The following FLG variants were observed in gnomAD, a reference collection of about 807,000 sequenced individuals.
FLG encodes filaggrin.
FLG carries 6 observed loss-of-function variants against 3.8 expected under a neutral mutation model. The observed-to-expected ratio is 1.60, with a 90% confidence interval of 0.87 to 3.15. The LOEUF (loss-of-function observed/expected upper bound fraction) is 3.15, where lower values mean the gene tolerates loss of function less well. Ranked by LOEUF, FLG falls within the 30% of genes most tolerant of loss-of-function variation. The probability of loss-of-function intolerance (pLI) is 0.00; values close to 1 mark genes in which losing one functional copy is unlikely to be tolerated. For missense variants in FLG, 7,595 were observed against 5,050.9 expected (o/e 1.50, Z -15.27); for synonymous variants, 2,551 against 1,931.6 (o/e 1.32, Z -8.41).
chr1:152,314,217 C>T lies in FLG; in HGVS notation c.669G>A (p.Met223Ile). 1 of 1,613,762 alleles carries T rather than the reference C, an allele frequency of 6.2e-7. No individual in the cohort carries two copies. Among genetic ancestry groups the T allele is most frequent in the African/African-American group, 1.3e-5 (1 of 74,954 alleles). ...GGCCTGATTGTATCCATTTTTGAGT[C>T]ATTCTTCCTGTATTTTCATAATCAT... ...GVYDYENTGRMTQKWIQSGHI... is the reference protein window; with the variant it reads ...GVYDYENTGRITQKWIQSGHI... Residue 223 changes from methionine to isoleucine, a missense_variant, in exon 3 of 3, where the codon ATG becomes ATA. By Grantham distance (10) the Met-to-Ile change is conservative. Transcript: ENST00000368799.
Position 152,311,120 on chromosome 1 carries a change from G to A in FLG, c.3766C>T (p.Gln1256Ter), listed in dbSNP as rs751147313. The A allele has an allele frequency of 6.2e-7, 1 of 1,613,776 alleles. No individual in the cohort carries two copies. Among genetic ancestry groups the A allele is most frequent in the Non-Finnish European group, 8.5e-7 (1 of 1,179,968 alleles). The change falls in exon 3 of 3, where the codon CAA becomes TAA. Residue 1256 changes from glutamine (Q) to a stop codon, truncating the protein, a stop_gained. Coordinates refer to ENST00000368799, the MANE Select transcript of FLG (RefSeq NM_002016.2). LOFTEE classifies it low-confidence loss of function (END_TRUNC). ...CTGCTTGTCCTGGACCCCGATGATT[G>A]TTCCTGTCCCACCTGTGAGTGTCTA... ...SSRHSQVGQE[Q>*]SSGSRTSRHQ...
At position 152,303,791 on chromosome 1, in the gene FLG, G is replaced by A. The variant is rs748562991; in HGVS notation, c.11095C>T (p.Arg3699Trp). ...GAACGTCCAGACCTTCCTGCTGACC[G>A]GCCACGTGTGGACTCTTGGTGGCTC... ...QQSHQESTRGRSAGRSGRSGS... is the reference protein window; with the variant it reads ...QQSHQESTRGWSAGRSGRSGS... The change falls in exon 3 of 3, where the codon CGG (arginine) becomes TGG (tryptophan). Residue 3699 changes from arginine to tryptophan, a missense_variant. Transcript: ENST00000368799. The A allele has an allele frequency of 1.6e-5, 26 of 1,613,496 alleles. No individual in the cohort carries two copies. Among genetic ancestry groups the A allele is most frequent in the Admixed American group, 6.7e-5 (4 of 59,868 alleles).
At chr1:152,319,504 G>GA (rs140492475) in intron 1 of FLG, among the ~76,000 whole-genome samples, 1,730 of 151,342 alleles carry the variant, frequency 0.011, 27 homozygotes, top group African/African-American at 0.039. Flanking sequence ...CTCCAAGCAG[G>GA]AGATATAAAA....
chr1:152,311,926 G>C lies in FLG; in HGVS notation c.2960C>G (p.Ser987Cys), dbSNP rs781148459. The change falls in exon 3 of 3, where the codon TCC becomes TGC. Residue 987 changes from serine to cysteine, a missense_variant. Coordinates refer to ENST00000368799, the MANE Select transcript of FLG (RefSeq NM_002016.2). Reference protein sequence around the residue: ...QSRHGSRHPRSHHEDRAGHGH... With the variant: ...QSRHGSRHPRCHHEDRAGHGH... ...GTGACCGGCTCTGTCTTCGTGATGG[G>C]ACCTGGGGTGTCTGGAGCCATGTCT... 1.2e-6 allele frequency: 2 copies of C among 1,613,988 alleles called. No individual in the cohort carries two copies. The highest frequency in any genetic ancestry group is 2.7e-5 in the African/African-American group (2 of 74,914).
chr1:152,315,314 C>T lies in FLG; in HGVS notation c.138+5G>A. 2 of 1,613,098 alleles carry T rather than the reference C, an allele frequency of 1.2e-6. No individual in the cohort carries two copies. The highest frequency in any genetic ancestry group is 1.7e-6 in the Non-Finnish European group (2 of 1,179,368). ...TCTATCTTTGGTCTTGTCAGAGACT[C>T]TTACCTTCAGGATTTGCCGAAATTC... On this transcript the variant is annotated splice_donor_5th_base_variant and intron_variant, in intron 2 of 2. Transcript: ENST00000368799.
chr1:152,313,072 T>G lies in FLG; in HGVS notation c.1814A>C (p.Gln605Pro), dbSNP rs1652577021. ...TGTCCTGGGCCCCGATGATTGTCCC[T>G]GGCCCACCTGTGAGTGTCTAGAGCT... ...ADSSRHSQVG[Q>P]GQSSGPRTSR... is the part of the protein sequence containing the mutation. The change falls in exon 3 of 3, where the codon CAG becomes CCG. Residue 605 changes from glutamine (Q) to proline (P), a missense_variant. By Grantham distance (76) the Gln-to-Pro change is moderately conservative. Transcript: ENST00000368799. The G allele has an allele frequency of 2.5e-6, 4 of 1,614,022 alleles. No individual in the cohort carries two copies. The East Asian group carries it at 8.9e-5, about 36-fold the overall frequency.
At position 152,305,346 on chromosome 1, in the gene FLG, T is replaced by G. The variant is rs3126069; in HGVS notation, c.9540A>C (p.Ser3180=). 3.8e-6 allele frequency: 6 copies of G among 1,563,998 alleles called. No individual in the cohort carries two copies. The highest frequency in any genetic ancestry group is 4.4e-6 in the Non-Finnish European group (5 of 1,149,330). The change falls in exon 3 of 3, where the codon TCA becomes TCC. Residue 3180 remains serine, a synonymous_variant. Transcript: ENST00000368799. ...QSGDSSRHSV[S]RHHEASTHAD... is the part of the protein sequence containing the mutation. Reference sequence around the variant, plus strand: ...CATGAGTGGAAGCTTCATGGTGACGTGACACTGAGTGCCTGGAGCTGTCTC... The same window carrying G: ...CATGAGTGGAAGCTTCATGGTGACGGGACACTGAGTGCCTGGAGCTGTCTC...
rs772522029 is a variant in FLG at position 152,313,888 on chromosome 1, G to T, written c.998C>A (p.Ser333Tyr). ...TTCATCATGGGACCTGGGGTGTCTG[G>T]AGCCATCTCTTGACTGCTCCCACGC... ...GSAWEQSRDG[S>Y]RHPRSHDEDR... Residue 333 changes from serine to tyrosine, a missense_variant, in exon 3 of 3, where the codon TCC becomes TAC. Transcript: ENST00000368799. 3.1e-6 allele frequency: 5 copies of T among 1,613,858 alleles called. No homozygotes were observed. The Admixed American group carries it at 6.7e-5, about 22-fold the overall frequency.
rs748247501 is a variant in FLG, at chr1:152,312,903, C to T, written c.1983G>A (p.Arg661=). 3 of 1,613,846 alleles carry T rather than the reference C, an allele frequency of 1.9e-6. No homozygotes were observed. The highest frequency in any genetic ancestry group is 2.7e-5 in the African/African-American group (2 of 74,784). The part of the protein sequence containing the change: ...EQSRDGSRHP[R]SHHEDRAGHG... ...GACCAGCTCTGTCTTCGTGATGGGA[C>T]CTGGGGTGTCTGGAGCCATCTCTTG... The change falls in exon 3 of 3, where the codon AGG becomes AGA. Residue 661 remains arginine (R), a synonymous_variant. Transcript: ENST00000368799.
chr1:152,309,990 G>A lies in FLG; in HGVS notation c.4896C>T (p.Asn1632=). 1.2e-6 allele frequency: 2 copies of A among 1,613,962 alleles called. No homozygotes were observed. The highest frequency in any genetic ancestry group is 1.7e-6 in the Non-Finnish European group (2 of 1,180,002). The stretch of plus-strand genomic sequence containing the variant: ...CTCTATCTTCTTGATGGGACCTGGG[G>A]TTCCTGGAGCCATGTCTTGACTGCT... ...AREQSRHGSR[N]PRSHQEDRAS... is the part of the protein sequence containing the mutation. Residue 1632 remains asparagine (N), a synonymous_variant, in exon 3 of 3, where the codon AAC becomes AAT. Coordinates refer to ENST00000368799, the MANE Select transcript of FLG (RefSeq NM_002016.2).
rs555272052 is a variant in FLG, at chr1:152,307,567, C to G, written c.7319G>C (p.Gly2440Ala). The change falls in exon 3 of 3, where the codon GGA becomes GCA. Residue 2440 changes from glycine to alanine, a missense_variant. Transcript: ENST00000368799. ...RTGTSTGGRQ[G>A]SHHKQARDSS... is the part of the protein sequence containing the mutation. ...GTCTCGTGCCTGCTTGTGGTGGGATCCTTGTCTTCCTCCAGTGCTGGTCCC... is the reference window on the plus strand; with the variant it reads ...GTCTCGTGCCTGCTTGTGGTGGGATGCTTGTCTTCCTCCAGTGCTGGTCCC... 3.4e-5 allele frequency: 55 copies of G among 1,613,778 alleles called. No individual in the cohort carries two copies. In the South Asian group the frequency reaches 4.7e-4, roughly 14 times the overall value.
chr1:152,321,635 T>C (rs1476627899), intron 1 of FLG, among the ~76,000 whole-genome samples: 1 of 151,180 alleles, frequency 6.6e-6, no homozygotes, highest in Admixed American at 6.6e-5. Context: ...AAAACCTAAA[T>C]AGTACTATGT....
rs749754687 is a variant in FLG at position 152,312,131 on chromosome 1, G to A, written c.2755C>T (p.His919Tyr). Residue 919 changes from histidine (H) to tyrosine (Y), a missense_variant, in exon 3 of 3, where the codon CAT becomes TAT. Coordinates refer to ENST00000368799, the MANE Select transcript of FLG (RefSeq NM_002016.2). Reference protein sequence around the residue: ...SGSRHHEASSHADISRHSQAG... With the variant: ...SGSRHHEASSYADISRHSQAG... The stretch of plus-strand genomic sequence containing the variant: ...TGTGAGTGTCTAGAGATGTCGGCAT[G>A]AGAGGAAGCTTCATGGTGACGTGAC... 13 of 1,569,048 alleles carry A rather than the reference G, an allele frequency of 8.3e-6. No homozygotes were observed. Among genetic ancestry groups the A allele is most frequent in the East Asian group, 2.4e-5 (1 of 41,278 alleles).
chr1:152,308,985 G>T lies in FLG; in HGVS notation c.5901C>A (p.His1967Gln), dbSNP rs3126078. The change falls in exon 3 of 3, where the codon CAC becomes CAA. Residue 1967 changes from histidine (H) to glutamine (Q), a missense_variant. Physicochemically the swap from His to Gln is conservative, Grantham distance 24 (BLOSUM62 0). Coordinates refer to ENST00000368799, the MANE Select transcript of FLG (RefSeq NM_002016.2). Reference sequence around the variant, plus strand: ...GTCTGGAGCTGTCTGCAGAGTGCCCGTGACCGGCTCTGTCTTCGTGATGGG... The same window carrying T: ...GTCTGGAGCTGTCTGCAGAGTGCCCTTGACCGGCTCTGTCTTCGTGATGGG... ...PGSHHEDRAG[H>Q]GHSADSSRQS... 6.2e-7 allele frequency: 1 copy of T among 1,614,074 alleles called. No homozygotes were observed. Among genetic ancestry groups the T allele is most frequent in the Non-Finnish European group, 8.5e-7 (1 of 1,179,986 alleles).
chr1:152,310,075 G>C lies in FLG; in HGVS notation c.4811C>G (p.Ser1604Ter). 8 of 1,614,024 alleles carry C rather than the reference G, an allele frequency of 5.0e-6. No homozygotes were observed. Among genetic ancestry groups the C allele is most frequent in the Non-Finnish European group, 6.8e-6 (8 of 1,180,014 alleles). Residue 1604 changes from serine to a stop codon, truncating the protein, a stop_gained, in exon 3 of 3, where the codon TCA becomes TGA. Transcript: ENST00000368799. LOFTEE classifies it low-confidence loss of function (END_TRUNC). Reference sequence around the variant, plus strand: ...CTCAGACCGCCTCTCAGAGTCTTCTGAGTGTCCCTCACTGTCCCTGTCCTG... The same window carrying C: ...CTCAGACCGCCTCTCAGAGTCTTCTCAGTGTCCCTCACTGTCCCTGTCCTG... ...VSQDRDSEGH[S>*]EDSERRSESA...
chr1:152,305,430 G>A lies in FLG; in HGVS notation c.9456C>T (p.Ser3152=). The A allele has an allele frequency of 1.9e-6, 3 of 1,598,666 alleles. No individual in the cohort carries two copies. The highest frequency in any genetic ancestry group is 2.5e-6 in the Non-Finnish European group (3 of 1,176,538). The change falls in exon 3 of 3, where the codon TCC becomes TCT. Residue 3152 remains serine, a synonymous_variant. Transcript: ENST00000368799. ...CACTTCTGGATCCTGACTGCCCACG[G>A]GAGGCATCAGACCTTCCCTGGGATG... ...HTTSQGRSDA[S]RGQSGSRSAS... is the part of the protein sequence containing the mutation.
In FLG at chr1:152,314,342, T is replaced by A. The variant is rs1218912272; in HGVS notation, c.544A>T (p.Lys182Ter). 6.2e-7 allele frequency: 1 copy of A among 1,613,004 alleles called. No homozygotes were observed. Among genetic ancestry groups the A allele is most frequent in the Admixed American group, 1.7e-5 (1 of 59,962 alleles). ...TTTTCAGTCTTGTTTTTCTCTTTTT[T>A]ACTTGAGTTATGATGGTTTTTTCCA... Reference protein sequence around the residue: ...EYGKNHHNSSKKEKNKTENTR... With the variant: ...EYGKNHHNSS The change falls in exon 3 of 3, where the codon AAA becomes TAA. Residue 182 changes from lysine to a stop codon, truncating the protein, a stop_gained. Transcript: ENST00000368799. LOFTEE classifies it low-confidence loss of function (END_TRUNC).
chr1:152,307,068 G>A lies in FLG; in HGVS notation c.7818C>T (p.Pro2606=). 1 of 1,608,954 alleles carries A rather than the reference G, an allele frequency of 6.2e-7. No individual in the cohort carries two copies. The highest frequency in any genetic ancestry group is 8.5e-7 in the Non-Finnish European group (1 of 1,179,352). Residue 2606 remains proline, a synonymous_variant, in exon 3 of 3, where the codon CCC becomes CCT. Transcript: ENST00000368799. ...CAGCTCTGTCTTCTTGATGGGACCT[G>A]GGGTGTCTGGAGCCATCTCTTAGCT... ...QEQLRDGSRH[P]RSHQEDRAGH...
rs576339608 is a variant in FLG at position 152,304,431 on chromosome 1, G to T, written c.10455C>A (p.Ala3485=). The part of the protein sequence containing the change: ...ASRGQSGSRS[A]SRQTRNDEQS... ...GTTCGTCATTACGAGTTTGTCTGCT[G>T]GCACTTCTGGATCCTGACTGCCCAC... The change falls in exon 3 of 3, where the codon GCC becomes GCA. Residue 3485 remains alanine, a synonymous_variant. Coordinates refer to ENST00000368799, the MANE Select transcript of FLG (RefSeq NM_002016.2). The T allele has an allele frequency of 8.3e-5, 133 of 1,609,834 alleles. 3 individuals carry two copies. Among genetic ancestry groups the T allele is most frequent in the African/African-American group, 4.2e-4 (31 of 74,542 alleles).
Sources: allele counts gnomAD v4.1 joint callset (sites outside exome capture counted in the v4.1 genomes callset), GRCh38; gene constraint gnomAD v4.1.1; transcripts MANE v1.5; gene names NCBI Gene and HGNC (gene_info 2026-07-23, HGNC 2026-07-21).